Variants in MINK1 observed in about 807,000 individuals in gnomAD.
The protein encoded by MINK1 is misshapen-like kinase 1.
A neutral mutation model predicts 178.4 loss-of-function variants in MINK1; 46 were observed. The ratio of observed to expected loss-of-function variants is 0.26; its 90% confidence interval spans 0.20 to 0.33. MINK1 has a LOEUF of 0.33. MINK1 is among the 10% of genes least tolerant of loss of function. The pLI, the probability that MINK1 is intolerant of heterozygous loss-of-function variation, is 1.00. For synonymous variants in MINK1, 797 were observed against 709.7 expected, an observed-to-expected ratio of 1.12 and a Z score of -1.96; for missense variants, 1,366 against 1,814.9, an observed-to-expected ratio of 0.75 and a Z score of 4.49.
In MINK1 at chr17:4,833,879, C is replaced by T. The variant is rs1908868463; in HGVS notation, c.57+239C>T. Among the ~76,000 whole-genome samples the T allele has an allele frequency of 6.6e-6, 1 of 152,192 alleles. No homozygotes were observed. The highest frequency in any genetic ancestry group is 6.5e-5 in the Admixed American group (1 of 15,274). ...TCGGTCCCCACCCTGTGGTGCCCCG[C>T]CCCCACACTTCCGTGCCACCCTACC... On this transcript the variant is annotated intron_variant, in intron 1 of 31. Coordinates refer to ENST00000355280, the MANE Select transcript of MINK1 (RefSeq NM_153827.5). The surrounding 1 kb of genome is among the most constrained non-coding windows in gnomAD (Gnocchi z 4.8).
At chr17:4,878,475 A>AG in intron 2 of MINK1, 93 bp downstream of exon 2, 5 of 1,176,346 alleles carry the variant, frequency 4.3e-6, no homozygotes, top group Non-Finnish European at 4.8e-6. Context: ...GCAGGTCTGA[A>AG]GGGGGCTATG....
chr17:4,881,164 C>T lies in MINK1; in HGVS notation c.213C>T (p.Asn71=). The T allele has an allele frequency of 6.5e-7, 1 of 1,537,198 alleles. No homozygotes were observed. Among genetic ancestry groups the T allele is most frequent in the East Asian group, 2.4e-5 (1 of 40,894 alleles). ...AGGAAGAGATCAAACAGGAGATCAA[C>T]ATGCTGAAAAAGTACTCTCACCACC... ...DEEEEIKQEI[N]MLKKYSHHRN... is the part of the protein sequence containing the mutation. The change falls in exon 4 of 32, where the codon AAC becomes AAT. Residue 71 remains asparagine (N), a synonymous_variant. Transcript: ENST00000355280.
At chr17:4,848,210 G>A (rs1198648170) in intron 1 of MINK1, among the ~76,000 whole-genome samples, 3 of 152,182 alleles carry the variant, frequency 2.0e-5, no homozygotes, top group African/African-American at 2.4e-5. Context: ...ACAGGGAATT[G>A]TTCCTTAGGG....
Position 4,881,264 on chromosome 17 carries a change from A to C in MINK1, c.306+7A>C, listed in dbSNP as rs2150992512. On this transcript the variant is annotated splice_region_variant and intron_variant, in intron 4 of 31. Transcript: ENST00000355280. Reference sequence around the variant, plus strand: ...AAACGATGACCAGCTCTGGGTGAGAAACGCCCCCCTGCCCGCCTTCCCTCC... The same window carrying C: ...AAACGATGACCAGCTCTGGGTGAGACACGCCCCCCTGCCCGCCTTCCCTCC... 1 of 1,536,692 alleles carries C rather than the reference A, an allele frequency of 6.5e-7. No individual in the cohort carries two copies. The highest frequency in any genetic ancestry group is 8.7e-7 in the Non-Finnish European group (1 of 1,146,676).
rs774608007 is a variant in MINK1 at position 4,895,995 on chromosome 17, G to GT, written c.3365-8_3365-7insT. The GT allele has an allele frequency of 2.4e-4, 377 of 1,587,236 alleles. No homozygotes were observed. The highest frequency in any genetic ancestry group is 3.2e-4 in the Non-Finnish European group (370 of 1,166,940). On this transcript the variant is annotated splice_region_variant and splice_polypyrimidine_tract_variant and intron_variant, in intron 27 of 31. Coordinates refer to ENST00000355280, the MANE Select transcript of MINK1 (RefSeq NM_153827.5). This position sits in a 1 kb window ranked among gnomAD's most constrained non-coding sequence, Gnocchi z 4.3. Reference sequence around the variant, plus strand: ...AGTCTCAGCATCCCTCTTCTCTCCCGCCCCCAGTGAAATACGAGCGGATTA... The same window carrying GT: ...AGTCTCAGCATCCCTCTTCTCTCCCGTCCCCCAGTGAAATACGAGCGGATTA...
At chr17:4,883,512 T>C (rs564419818) in intron 4 of MINK1, among the ~76,000 whole-genome samples, 1 of 148,674 alleles carries the variant, frequency 6.7e-6, no homozygotes, top group Non-Finnish European at 1.5e-5. Flanking sequence ...CCCAAAGCAG[T>C]AGTATTTTGT....
At chr17:4,891,198 G>GCA (rs1375582286) in intron 15 of MINK1, 74 bp downstream of exon 15, 8 of 1,129,398 alleles carry the variant, frequency 7.1e-6, no homozygotes, top group South Asian at 3.3e-5. Flanking sequence ...ACACACACGC[G>GCA]CGCACACACA....
rs1162003126 is a variant in MINK1 at position 4,897,747 on chromosome 17, C to CCAGGGG, written c.*466_*471dup. The CCAGGGG allele has an allele frequency of 6.5e-6, 1 of 154,508 alleles. No homozygotes were observed. The highest frequency in any genetic ancestry group is 1.4e-5 in the Non-Finnish European group (1 of 69,464). The allele number at this position is 154,508 out of a possible 1,614,324, so 9.6% of individuals were successfully genotyped here. A position where few individuals can be genotyped will look rare whatever the true frequency, so the allele number is the denominator to read the frequency against. ...GATTTTTGGGGGGTCACCAGCCACT[C>CCAGGGG]CAGGGGCAGGGACCATTTCTTCATT... is the stretch of plus-strand genomic sequence containing the variant. On this transcript the variant is annotated 3_prime_UTR_variant, in exon 32 of 32. Coordinates refer to ENST00000355280, the MANE Select transcript of MINK1 (RefSeq NM_153827.5).
chr17:4,862,092 G>A (rs1010302028), intron 1 of MINK1, among the ~76,000 whole-genome samples: 2 of 152,078 alleles, frequency 1.3e-5, no homozygotes, highest in African/African-American at 4.8e-5. Context: ...TGTTCTACTT[G>A]TGGAGATGAG....
rs1969658957 is a variant in MINK1, at chr17:4,897,368, C to T, written c.*81C>T. 3.0e-6 allele frequency: 4 copies of T among 1,321,266 alleles called. No homozygotes were observed. The highest frequency in any genetic ancestry group is 1.9e-4 in the Middle Eastern group (1 of 5,300). 81.8% of individuals were successfully genotyped at this position (1,321,266 alleles called of 1,614,324 possible). A position where few individuals can be genotyped will look rare whatever the true frequency, so the allele number is the denominator to read the frequency against. On this transcript the variant is annotated 3_prime_UTR_variant, in exon 32 of 32. Transcript: ENST00000355280. ...GGCTTCCCGGGCCGCCCCTCTTTCC[C>T]CTCCCTGGGCTTTTGCTTTTACTGG...
In MINK1 at chr17:4,894,792, G is replaced by C. The variant is rs574563306; in HGVS notation, c.2917+159G>C. On this transcript the variant is annotated intron_variant, in intron 24 of 31. Transcript: ENST00000355280. This position sits in a 1 kb window ranked among gnomAD's most constrained non-coding sequence, Gnocchi z 4.1. Reference sequence around the variant, plus strand: ...GGCACAGAGGCAAGGAAGAGCCTCTGAGACCCCTCCTTCCTGTCCCACAGG... The same window carrying C: ...GGCACAGAGGCAAGGAAGAGCCTCTCAGACCCCTCCTTCCTGTCCCACAGG... 3.1e-6 allele frequency: 2 copies of C among 654,662 alleles called. No individual in the cohort carries two copies. The highest frequency in any genetic ancestry group is 2.7e-5 in the Admixed American group (1 of 36,916). 40.6% of individuals were successfully genotyped at this position (654,662 alleles called of 1,614,324 possible). A position where few individuals can be genotyped will look rare whatever the true frequency, so the allele number is the denominator to read the frequency against.
At chr17:4,844,131 G>A (rs1910650690) in intron 1 of MINK1, among the ~76,000 whole-genome samples, 1 of 152,062 alleles carries the variant, frequency 6.6e-6, no homozygotes, top group Non-Finnish European at 1.5e-5. Context: ...CTCCCGAGTA[G>A]CTGGGATTAC....
At chr17:4,893,291 T>C (rs1160124172) in intron 20 of MINK1, 143 bp from the exon 21 acceptor site, 1 of 1,613,950 alleles carries the variant, frequency 6.2e-7, no homozygotes, top group Non-Finnish European at 8.5e-7. Flanking sequence ...CCCAGAGCTA[T>C]AAGCGAGCAA....
intron 1 of MINK1, among the ~76,000 whole-genome samples, chr17:4,864,501 G>C (rs183974653): frequency 5.9e-5 from 9 of 151,924 alleles, no homozygotes; most frequent in African/African-American, 2.2e-4. Flanking sequence ...AGGTGGAGTG[G>C]ATCACCTGAG....
intron 17 of MINK1, 42 bp from the exon 18 acceptor site, chr17:4,892,360 C>A: frequency 7.1e-7 from 1 of 1,417,666 alleles, no homozygotes. Context: ...CACCTCAGCG[C>A]CCCCCCGCCG....
At chr17:4,847,451 G>T (rs1911219574) in intron 1 of MINK1, among the ~76,000 whole-genome samples, 2 of 152,164 alleles carry the variant, frequency 1.3e-5, no homozygotes, top group African/African-American at 4.8e-5. Flanking sequence ...CAAAGCCTAT[G>T]CAGTTGCAGG....
intron 13 of MINK1, chr17:4,889,987 TCCC>T (rs1183040435): frequency 2.0e-6 from 1 of 498,302 alleles, no homozygotes; most frequent in African/African-American, 2.8e-5. Context: ...CATCCCTGAC[TCCC>T]CGACCCCTTC....
chr17:4,884,839 C>A, intron 5 of MINK1, 73 bp from the exon 6 acceptor site: 1 of 1,338,046 alleles, frequency 7.5e-7, no homozygotes. Context: ...CTTGTCCCCT[C>A]AACTCACTCC....
In MINK1 at chr17:4,891,083, C is replaced by T. The variant is rs1223570365; in HGVS notation, c.1699C>T (p.Pro567Ser). The change falls in exon 15 of 32, where the codon CCT becomes TCT. Residue 567 changes from proline (P) to serine (S), a missense_variant. Pro to Ser is a moderately conservative substitution (Grantham distance 74). Coordinates refer to ENST00000355280, the MANE Select transcript of MINK1 (RefSeq NM_153827.5). ...GPPGPLSQTP[P>S]MQRPVEPQEG... The stretch of plus-strand genomic sequence containing the variant: ...CCCAGGACCCCTTTCCCAGACTCCT[C>T]CTATGCAGAGGCCGGTGGAGCCCCA... 4.5e-6 allele frequency: 7 copies of T among 1,552,338 alleles called. No homozygotes were observed. Among genetic ancestry groups the T allele is most frequent in the Non-Finnish European group, 6.1e-6 (7 of 1,148,332 alleles).
Sources: allele counts gnomAD v4.1 joint callset (sites outside exome capture counted in the v4.1 genomes callset), GRCh38; gene constraint gnomAD v4.1.1; non-coding constraint Gnocchi (gnomAD v3.1); transcripts MANE v1.5; gene names NCBI Gene and HGNC (gene_info 2026-07-23, HGNC 2026-07-21).